The following RNGTT variants were observed in gnomAD, a reference collection of about 807,000 sequenced individuals.
RNGTT encodes the protein mRNA-capping enzyme.
Under a neutral mutation model 79.3 loss-of-function variants are expected in RNGTT, and 33 were observed. That is an observed-to-expected ratio of 0.42 (90% CI 0.32 to 0.56). The LOEUF (loss-of-function observed/expected upper bound fraction) is 0.56, where lower values mean the gene tolerates loss of function less well. RNGTT is among the 20% of genes least tolerant of loss of function. RNGTT has a pLI of 0.17. For missense variants in RNGTT, 497 were observed against 739.1 expected (o/e 0.67, Z 3.80); for synonymous variants, 222 against 235.9 (o/e 0.94, Z 0.54).
At chr6:88,872,938 G>C (rs536248764) in intron 8 of RNGTT, among the ~76,000 whole-genome samples, 7 of 152,134 alleles carry the variant, frequency 4.6e-5, no homozygotes, top group African/African-American at 1.7e-4. Context: ...AGGAGGGATT[G>C]GTTATTTTTA....
chr6:88,770,485 C>T (rs1778616714), intron 12 of RNGTT, among the ~76,000 whole-genome samples: 1 of 152,226 alleles, frequency 6.6e-6, no homozygotes, highest in East Asian at 1.9e-4. Flanking sequence ...TAGTATGTTC[C>T]TTTTCATTGC....
At chr6:88,638,091 T>A (rs1318245428) in intron 14 of RNGTT, among the ~76,000 whole-genome samples, 1 of 152,094 alleles carries the variant, frequency 6.6e-6, no homozygotes, top group Non-Finnish European at 1.5e-5. Context: ...ATTTTGGACA[T>A]AAACCTGTGT....
At position 88,826,824 on chromosome 6, in the gene RNGTT, G is replaced by GTATA. The variant is rs372174983; in HGVS notation, c.1269+17529_1269+17532dup. Among the ~76,000 whole-genome samples the GTATA allele has an allele frequency of 4.4e-3, 568 of 129,194 alleles. 9 individuals are homozygous for GTATA. Among genetic ancestry groups the GTATA allele is most frequent in the African/African-American group, 0.016 (519 of 32,858 alleles). The allele number at this position is 129,194 out of a possible 152,430, so 84.8% of individuals were successfully genotyped here. The stretch of plus-strand genomic sequence containing the variant: ...AATATATATATATATATATGTGTGT[G>GTATA]TATATATATATATATATATATGTGT... On this transcript the variant is annotated intron_variant, in intron 11 of 15. Transcript: ENST00000369485.
At chr6:88,849,084 C>T (rs567668084) in intron 10 of RNGTT, among the ~76,000 whole-genome samples, 5 of 151,926 alleles carry the variant, frequency 3.3e-5, no homozygotes, top group Non-Finnish European at 7.4e-5. Flanking sequence ...AACAAAGCCA[C>T]CCCGCCACCC....
At chr6:88,721,675 A>G (rs1776715710) in intron 13 of RNGTT, among the ~76,000 whole-genome samples, 1 of 152,140 alleles carries the variant, frequency 6.6e-6, no homozygotes, top group Non-Finnish European at 1.5e-5. Context: ...ATATCTCATT[A>G]TAACAACCTT....
In RNGTT at chr6:88,731,374, T is replaced by C. The variant is rs73496467; in HGVS notation, c.1439+38400A>G. 5.0e-3 allele frequency among the ~76,000 whole-genome samples: 762 copies of C among 152,252 alleles called. 8 individuals carry two copies. The highest frequency in any genetic ancestry group is 0.017 in the African/African-American group (725 of 41,558). On this transcript the variant is annotated intron_variant, in intron 13 of 15. Transcript: ENST00000369485. ...CATTCAACAAAATAATCACAATGTATGCTAACAGGCAGGAAAAACCACAGT... is the reference window on the plus strand; with the variant it reads ...CATTCAACAAAATAATCACAATGTACGCTAACAGGCAGGAAAAACCACAGT...
At chr6:88,787,840 TAAAG>T (rs1205518354) in intron 12 of RNGTT, among the ~76,000 whole-genome samples, 3 of 152,102 alleles carry the variant, frequency 2.0e-5, no homozygotes, top group Non-Finnish European at 4.4e-5. Context: ...ACTTAAAAGA[TAAAG>T]AAAGACTTGG....
At chr6:88,642,730 T>G (rs1773370506) in intron 14 of RNGTT, among the ~76,000 whole-genome samples, 1 of 152,162 alleles carries the variant, frequency 6.6e-6, no homozygotes, top group Non-Finnish European at 1.5e-5. Context: ...TTTTCTCACA[T>G]GAAAATAAAA....
At chr6:88,890,128 G>T (rs1782993884) in intron 8 of RNGTT, among the ~76,000 whole-genome samples, 1 of 152,128 alleles carries the variant, frequency 6.6e-6, no homozygotes, top group Admixed American at 6.5e-5. Context: ...ATCATTTTTA[G>T]ATTACAAACT....
Position 88,645,453 on chromosome 6 carries a change from C to T in RNGTT, c.1507-31058G>A, listed in dbSNP as rs201576340. On this transcript the variant is annotated intron_variant, in intron 14 of 15. Coordinates refer to ENST00000369485, the MANE Select transcript of RNGTT (RefSeq NM_003800.5). Reference sequence around the variant, plus strand: ...CCAAAGTAATTTATAGATTCAATGCCATCCCCATCAAGCTACCAATGACTT... The same window carrying T: ...CCAAAGTAATTTATAGATTCAATGCTATCCCCATCAAGCTACCAATGACTT... Among the ~76,000 whole-genome samples the T allele has an allele frequency of 6.6e-4, 101 of 152,240 alleles. 5 individuals are homozygous for T. In the East Asian group the frequency reaches 0.018, roughly 28 times the overall value.
chr6:88,617,065 C>T (rs188437753), intron 14 of RNGTT, among the ~76,000 whole-genome samples: 41 of 152,192 alleles, frequency 2.7e-4, no homozygotes, highest in Non-Finnish European at 4.0e-4. Context: ...GAGGTCAGAT[C>T]GAGACCATCC....
chr6:88,904,060 T>C (rs1783563916), intron 6 of RNGTT, among the ~76,000 whole-genome samples: 1 of 152,234 alleles, frequency 6.6e-6, no homozygotes, highest in Non-Finnish European at 1.5e-5. Flanking sequence ...TGTAAAGTTA[T>C]TTTAATTATG....
chr6:88,880,647 C>T (rs1449746334), intron 8 of RNGTT, among the ~76,000 whole-genome samples: 1 of 152,088 alleles, frequency 6.6e-6, no homozygotes, highest in Non-Finnish European at 1.5e-5. Context: ...TTATCTTTTA[C>T]TTTACTATTT....
intron 11 of RNGTT, among the ~76,000 whole-genome samples, chr6:88,839,442 G>A (rs765720579): frequency 5.9e-5 from 9 of 151,892 alleles, no homozygotes; most frequent in South Asian, 2.1e-4. Flanking sequence ...TGGTGGTTCC[G>A]GTCTATAGTT....
In RNGTT at chr6:88,733,326, T is replaced by G. The variant is rs565769844; in HGVS notation, c.1439+36448A>C. 7.2e-5 allele frequency among the ~76,000 whole-genome samples: 11 copies of G among 151,984 alleles called. No individual in the cohort carries two copies. The East Asian group carries it at 1.9e-3, about 27-fold the overall frequency. ...CTGCAGTGAACCTAATCTGTGCCAC[T>G]GAAGCTTGAGCAACAGAGAGAGACT... On this transcript the variant is annotated intron_variant, in intron 13 of 15. Coordinates refer to ENST00000369485, the MANE Select transcript of RNGTT (RefSeq NM_003800.5).
intron 13 of RNGTT, among the ~76,000 whole-genome samples, chr6:88,756,946 TA>T (rs1327891466): frequency 1.3e-5 from 2 of 152,116 alleles, no homozygotes; most frequent in South Asian, 2.1e-4. Context: ...ACTAAAACCC[TA>T]AAAAAATTAC....
At chr6:88,801,854 CACACAA>C (rs1309517284) in intron 11 of RNGTT, among the ~76,000 whole-genome samples, 5 of 150,886 alleles carry the variant, frequency 3.3e-5, no homozygotes, top group Non-Finnish European at 7.4e-5. Context: ...CACACACACA[CACACAA>C]ATTTCCATTC....
intron 13 of RNGTT, among the ~76,000 whole-genome samples, chr6:88,686,897 A>G (rs1775299762): frequency 6.6e-6 from 1 of 152,170 alleles, no homozygotes. Flanking sequence ...GTATTAAAAG[A>G]AAACCTGAGT....
At chr6:88,819,601 C>G (rs1476092234) in intron 11 of RNGTT, among the ~76,000 whole-genome samples, 3 of 152,142 alleles carry the variant, frequency 2.0e-5, no homozygotes, top group African/African-American at 4.8e-5. Flanking sequence ...TGTAATTCAT[C>G]AAACTACCAA....
Sources: allele counts gnomAD v4.1 joint callset (sites outside exome capture counted in the v4.1 genomes callset), GRCh38; gene constraint gnomAD v4.1.1; transcripts MANE v1.5; gene names NCBI Gene and HGNC (gene_info 2026-07-23, HGNC 2026-07-21).